ZCCHC7: variants seen among roughly 807,000 people sequenced by gnomAD.
The protein encoded by ZCCHC7 is zinc finger CCHC-type containing 7.
ZCCHC7 carries 35 observed loss-of-function variants against 52.0 expected under a neutral mutation model. That is an observed-to-expected ratio of 0.67 (90% confidence interval 0.51 to 0.89). ZCCHC7 has a LOEUF of 0.89. ZCCHC7 is among the 40% of genes least tolerant of loss of function. The pLI is 0.00. For missense variants in ZCCHC7, 574 were observed against 649.1 expected (o/e 0.88, Z 1.26); for synonymous variants, 217 against 221.5 (o/e 0.98, Z 0.18).
At chr9:37,311,221 CTGAG>C (rs1468176959) in intron 5 of ZCCHC7, among the ~76,000 whole-genome samples, 1 of 152,040 alleles carries the variant, frequency 6.6e-6, no homozygotes. Context: ...AGCATAATGA[CTGAG>C]TTAGTCAGTG....
At chr9:37,185,254 C>G (rs1822589386) in intron 2 of ZCCHC7, among the ~76,000 whole-genome samples, 1 of 152,112 alleles carries the variant, frequency 6.6e-6, no homozygotes, top group Non-Finnish European at 1.5e-5. Flanking sequence ...TATAGGTGAT[C>G]ACCTCCTATC....
intron 2 of ZCCHC7, among the ~76,000 whole-genome samples, chr9:37,197,907 G>A (rs1823374265): frequency 6.6e-6 from 1 of 152,094 alleles, no homozygotes; most frequent in African/African-American, 2.4e-5. Context: ...ATATGAGCAG[G>A]GATGTTGGCA....
At chr9:37,327,960 T>A in intron 6 of ZCCHC7, 126 bp downstream of exon 6, 1 of 1,005,636 alleles carries the variant, frequency 9.9e-7, no homozygotes, top group South Asian at 1.6e-5. Context: ...AGAGTTTTTG[T>A]ACGGAGAAAG....
chr9:37,165,405 G>T (rs1407407041), intron 2 of ZCCHC7, among the ~76,000 whole-genome samples: 1 of 152,066 alleles, frequency 6.6e-6, no homozygotes, highest in East Asian at 1.9e-4. Flanking sequence ...GTTTTTGAGG[G>T]AAAGTATACA....
At chr9:37,178,307 G>T (rs1486219499) in intron 2 of ZCCHC7, among the ~76,000 whole-genome samples, 1 of 150,158 alleles carries the variant, frequency 6.7e-6, no homozygotes, top group African/African-American at 2.5e-5. Context: ...AACATTATTC[G>T]CCTTTGTAAC....
chr9:37,318,924 C>G lies in ZCCHC7; in HGVS notation c.952-8875C>G, dbSNP rs1339382835. Among the ~76,000 whole-genome samples, 3 of 129,186 alleles carry G rather than the reference C, an allele frequency of 2.3e-5. No individual in the cohort carries two copies. In the Admixed American group the frequency reaches 2.6e-4, roughly 11 times the overall value. The allele number at this position is 129,186 out of a possible 152,430, so 84.8% of individuals were successfully genotyped here. A position where few individuals can be genotyped will look rare whatever the true frequency, so the allele number is the denominator to read the frequency against. On this transcript the variant is annotated intron_variant, in intron 5 of 8. Coordinates refer to ENST00000336755, the MANE Select transcript of ZCCHC7 (RefSeq NM_032226.3). The stretch of plus-strand genomic sequence containing the variant: ...CATCACTGCACTCCAGCCTGGGCAA[C>G]AGAGTGAGACTCTGTCTCAAAAAAA...
chr9:37,276,024 G>T (rs926993446), intron 2 of ZCCHC7, among the ~76,000 whole-genome samples: 5 of 152,206 alleles, frequency 3.3e-5, no homozygotes, highest in Admixed American at 2.0e-4. Context: ...CCCATTGTCT[G>T]CATCCTTGCG....
chr9:37,315,808 G>A (rs1829791720), intron 5 of ZCCHC7, among the ~76,000 whole-genome samples: 1 of 133,926 alleles, frequency 7.5e-6, no homozygotes, highest in African/African-American at 2.8e-5. Flanking sequence ...CCTGGTTTAG[G>A]GATGCTTATA....
chr9:37,252,554 T>C (rs1184843607), intron 2 of ZCCHC7, among the ~76,000 whole-genome samples: 1 of 152,174 alleles, frequency 6.6e-6, no homozygotes, highest in East Asian at 1.9e-4. Flanking sequence ...GTAAACACAG[T>C]AGTCTCCTGC....
At chr9:37,193,517 AGAT>A (rs1823125503) in intron 2 of ZCCHC7, among the ~76,000 whole-genome samples, 1 of 152,192 alleles carries the variant, frequency 6.6e-6, no homozygotes, top group South Asian at 2.1e-4. Context: ...TTGTTAGTTT[AGAT>A]GATCACACAA....
chr9:37,297,886 C>T (rs924641173), intron 2 of ZCCHC7, among the ~76,000 whole-genome samples: 35 of 152,214 alleles, frequency 2.3e-4, no homozygotes, highest in Admixed American at 2.0e-3. Flanking sequence ...CAAATGTAAG[C>T]AGACTAAGTA....
chr9:37,306,774 T>TTTTTTTTTTTTTTTTTG (rs1829343213), intron 5 of ZCCHC7, among the ~76,000 whole-genome samples: 1 of 39,374 alleles, frequency 2.5e-5, no homozygotes, highest in Non-Finnish European at 4.6e-5. Context: ...TTTTTTTTTT[T>TTTTTTTTTTTTTTTTTG]TTTTTTTTTT....
At chr9:37,208,824 A>T (rs1440996809) in intron 2 of ZCCHC7, among the ~76,000 whole-genome samples, 2 of 152,128 alleles carry the variant, frequency 1.3e-5, no homozygotes, top group African/African-American at 4.8e-5. Context: ...TTAACACATA[A>T]ATCAGACAAT....
intron 2 of ZCCHC7, among the ~76,000 whole-genome samples, chr9:37,272,450 G>A (rs1242996354): frequency 6.7e-6 from 1 of 148,652 alleles, no homozygotes; most frequent in Non-Finnish European, 1.5e-5. Flanking sequence ...CATCACCCGG[G>A]TCAAGAAATA....
In ZCCHC7 at chr9:37,357,255, A is replaced by C. The variant is rs754037762; in HGVS notation, c.1619A>C (p.Lys540Thr). Residue 540 changes from lysine to threonine, a missense_variant, in exon 9 of 9, where the codon AAA becomes ACA. By Grantham distance (78) the Lys-to-Thr change is moderately conservative (BLOSUM62 -1). Transcript: ENST00000336755. ...AACTTATTTCTTATTAAGCAGAGAA[A>C]AAAAAAGTCTTAAGCCGTCAGGCAG... The part of the protein sequence containing the change: ...NDNLFLIKQR[K>T]KKS 4.4e-6 allele frequency: 7 copies of C among 1,593,458 alleles called. No individual in the cohort carries two copies. Among genetic ancestry groups the C allele is most frequent in the Non-Finnish European group, 6.0e-6 (7 of 1,174,258 alleles).
chr9:37,181,990 G>A (rs1380269074), intron 2 of ZCCHC7, among the ~76,000 whole-genome samples: 2 of 152,232 alleles, frequency 1.3e-5, no homozygotes, highest in East Asian at 1.9e-4. Flanking sequence ...AGCCCAAACA[G>A]ATGATTTTTA....
intron 2 of ZCCHC7, among the ~76,000 whole-genome samples, chr9:37,231,019 A>G (rs1825377791): frequency 1.3e-5 from 2 of 152,068 alleles, no homozygotes; most frequent in Admixed American, 6.6e-5. Flanking sequence ...GCTCACTGCA[A>G]TCATTTGAAT....
intron 6 of ZCCHC7, among the ~76,000 whole-genome samples, chr9:37,328,964 C>T (rs942185000): frequency 1.1e-4 from 17 of 151,848 alleles, no homozygotes; most frequent in African/African-American, 4.1e-4. Context: ...TATATACATA[C>T]CCATGTATGT....
chr9:37,260,701 A>G (rs187231496), intron 2 of ZCCHC7, among the ~76,000 whole-genome samples: 1 of 152,320 alleles, frequency 6.6e-6, no homozygotes, highest in Admixed American at 6.5e-5. Flanking sequence ...GGGCAGAGAC[A>G]TGGTAGTTTT....
Sources: gnomAD v4.1 joint callset for allele counts (sites outside exome capture counted in the v4.1 genomes callset) on GRCh38, gnomAD v4.1.1 for gene constraint, MANE v1.5 for transcripts, NCBI Gene and HGNC (gene_info 2026-07-23, HGNC 2026-07-21) for gene names.